The following KRTAP16-1 variants were observed in gnomAD, a reference collection of about 807,000 sequenced individuals.
The protein encoded by KRTAP16-1 is keratin-associated protein 16-1.
For synonymous variants in KRTAP16-1, 262 were observed against 248.0 expected (o/e 1.06, Z -0.53); for missense variants, 675 against 657.7 (o/e 1.03, Z -0.29).
Position 41,309,201 on chromosome 17 carries a change from A to G in KRTAP16-1, c.53T>C (p.Leu18Pro), listed in dbSNP as rs1171254271. The G allele has an allele frequency of 1.3e-6, 2 of 1,547,376 alleles. No homozygotes were observed. Among genetic ancestry groups the G allele is most frequent in the Non-Finnish European group, 8.7e-7 (1 of 1,144,966 alleles). Reference protein sequence around the residue: ...RKCFSVPATSLCSTEVSCGGP... With the variant: ...RKCFSVPATSPCSTEVSCGGP... ...TCCACAGCTCACCTCAGTGGAGCAG[A>G]GAGAGGTGGCTGGCACGGAGAAGCA... Residue 18 changes from leucine to proline, a missense_variant, in exon 1 of 1, where the codon CTC (leucine) becomes CCC (proline). Leu to Pro is a moderately conservative substitution (Grantham distance 98). Coordinates refer to ENST00000391352, the MANE Select transcript of KRTAP16-1 (RefSeq NM_001146182.2).
Position 41,309,167 on chromosome 17 carries a change from G to A in KRTAP16-1, c.87C>T (p.Ile29=). Residue 29 remains isoleucine, a synonymous_variant, in exon 1 of 1, where the codon ATC becomes ATT. Coordinates refer to ENST00000391352, the MANE Select transcript of KRTAP16-1 (RefSeq NM_001146182.2). ...GGCTCTGGCAGGAACTGGGCAGGCA[G>A]ATGGGGCCTCCACAGCTCACCTCAG... is the stretch of plus-strand genomic sequence containing the variant. ...CSTEVSCGGP[I]CLPSSCQSQT... 1.9e-6 allele frequency: 3 copies of A among 1,550,642 alleles called. No homozygotes were observed. Among genetic ancestry groups the A allele is most frequent in the Non-Finnish European group, 2.6e-6 (3 of 1,146,986 alleles).
At position 41,308,825 on chromosome 17, in the gene KRTAP16-1, A is replaced by G. The variant is rs1646847245; in HGVS notation, c.429T>C (p.Cys143=). 2.6e-6 allele frequency: 4 copies of G among 1,546,338 alleles called. No individual in the cohort carries two copies. Among genetic ancestry groups the G allele is most frequent in the Admixed American group, 3.9e-5 (2 of 50,798 alleles). Residue 143 remains cysteine, a synonymous_variant, in exon 1 of 1, where the codon TGT becomes TGC. Transcript: ENST00000391352. The stretch of plus-strand genomic sequence containing the variant: ...CAGGTTGAGCACAGCTGCTCACGGA[A>G]CAAGAAGGCTCACAAACGGTGGCCT... The part of the protein sequence containing the change: ...CFEATVCEPS[C]SVSSCAQPVC...
Position 41,308,990 on chromosome 17 carries a change from G to A in KRTAP16-1, c.264C>T (p.Gly88=). The A allele has an allele frequency of 6.4e-7, 1 of 1,550,566 alleles. No individual in the cohort carries two copies. The change falls in exon 1 of 1, where the codon GGC becomes GGT. Residue 88 remains glycine, a synonymous_variant. Transcript: ENST00000391352. Reference sequence around the variant, plus strand: ...TGGCCTCACAGCACACGGGTTGGCAGCCGCTGCTCACGGAGCAAGAAGGCT... The same window carrying A: ...TGGCCTCACAGCACACGGGTTGGCAACCGCTGCTCACGGAGCAAGAAGGCT... ...ICEPSCSVSS[G]CQPVCCEATT...
chr17:41,309,142 G>T lies in KRTAP16-1; in HGVS notation c.112C>A (p.Gln38Lys). ...TGACAAGTCACCAGCTGCCATGTCT[G>T]GCTCTGGCAGGAACTGGGCAGGCAG... ...PICLPSSCQS[Q>K]TWQLVTCQDS... Residue 38 changes from glutamine (Q) to lysine (K), a missense_variant, in exon 1 of 1, where the codon CAG (glutamine) becomes AAG (lysine). Transcript: ENST00000391352. The T allele has an allele frequency of 6.4e-7, 1 of 1,550,620 alleles. No individual in the cohort carries two copies.
At position 41,309,037 on chromosome 17, in the gene KRTAP16-1, A is replaced by C. The variant is rs190099155; in HGVS notation, c.217T>G (p.Cys73Gly). Reference protein sequence around the residue: ...CPVSSCAQPLCCDPVICEPSC... With the variant: ...CPVSSCAQPLGCDPVICEPSC... Reference sequence around the variant, plus strand: ...GGCTCACAAATGACAGGATCACAGCACAGGGGTTGGGCACAGCTACTCACA... The same window carrying C: ...GGCTCACAAATGACAGGATCACAGCCCAGGGGTTGGGCACAGCTACTCACA... Residue 73 changes from cysteine to glycine, a missense_variant, in exon 1 of 1, where the codon TGC becomes GGC. Physicochemically the swap from Cys to Gly is radical, Grantham distance 159. Coordinates refer to ENST00000391352, the MANE Select transcript of KRTAP16-1 (RefSeq NM_001146182.2). The C allele has an allele frequency of 3.2e-6, 5 of 1,550,680 alleles. No homozygotes were observed. In the South Asian group the frequency reaches 5.9e-5, roughly 18 times the overall value.
At position 41,307,997 on chromosome 17, in the gene KRTAP16-1, G is replaced by A. The variant is rs1035954369; in HGVS notation, c.1257C>T (p.Ile419=). The part of the protein sequence containing the change: ...LTYRQPYMTS[I]SYRPACYRPC... Reference sequence around the variant, plus strand: ...GGCGATAGCAGGCAGGACGGTAGGAGATGGATGTCATGTATGGCTGCCTAT... The same window carrying A: ...GGCGATAGCAGGCAGGACGGTAGGAAATGGATGTCATGTATGGCTGCCTAT... The change falls in exon 1 of 1, where the codon ATC becomes ATT. Residue 419 remains isoleucine (I), a synonymous_variant. Coordinates refer to ENST00000391352, the MANE Select transcript of KRTAP16-1 (RefSeq NM_001146182.2). 39 of 1,550,564 alleles carry A rather than the reference G, an allele frequency of 2.5e-5. No individual in the cohort carries two copies. The highest frequency in any genetic ancestry group is 3.2e-5 in the Non-Finnish European group (37 of 1,147,016).
rs754826659 is a variant in KRTAP16-1 at position 41,308,426 on chromosome 17, T to C, written c.828A>G (p.Pro276=). Residue 276 remains proline (P), a synonymous_variant, in exon 1 of 1, where the codon CCA becomes CCG. Coordinates refer to ENST00000391352, the MANE Select transcript of KRTAP16-1 (RefSeq NM_001146182.2). ...CACAGCAGACAGGGCGGAGGCAAAC[T>C]GGCTCACAGACCAGAGCCACACACG... ...PATCVALVCE[P]VCLRPVCCVQ... is the part of the protein sequence containing the mutation. 2.6e-6 allele frequency: 4 copies of C among 1,550,482 alleles called. No individual in the cohort carries two copies. The highest frequency in any genetic ancestry group is 3.5e-6 in the Non-Finnish European group (4 of 1,146,968).
In KRTAP16-1 at chr17:41,308,735, G is replaced by A; in HGVS notation, c.519C>T (p.Gly173=). 1 of 1,550,684 alleles carries A rather than the reference G, an allele frequency of 6.4e-7. No individual in the cohort carries two copies. The change falls in exon 1 of 1, where the codon GGC becomes GGT. Residue 173 remains glycine, a synonymous_variant. Transcript: ENST00000391352. ...CTGGTTGGCAGGAAGTGGCTTCAGA[G>A]CCTACAGGCTGGCAGCAGCTGCTCA... ...CSVSSCCQPV[G]SEATSCQPVL...
rs760350540 is a variant in KRTAP16-1, at chr17:41,308,386, C to T, written c.868G>A (p.Glu290Lys). The T allele has an allele frequency of 8.4e-6, 13 of 1,550,422 alleles. No homozygotes were observed. The highest frequency in any genetic ancestry group is 3.9e-5 in the Admixed American group (2 of 50,978). ...CAAGTGCTGGGGACAGAAGGTGGCTCGCACGAGCTCTGAACACAGCAGACA... is the reference window on the plus strand; with the variant it reads ...CAAGTGCTGGGGACAGAAGGTGGCTTGCACGAGCTCTGAACACAGCAGACA... ...RPVCCVQSSC[E>K]PPSVPSTCQE... The change falls in exon 1 of 1, where the codon GAG (glutamate) becomes AAG (lysine). Residue 290 changes from glutamate to lysine, a missense_variant. By Grantham distance (56) the Glu-to-Lys change is moderately conservative. Coordinates refer to ENST00000391352, the MANE Select transcript of KRTAP16-1 (RefSeq NM_001146182.2).
At position 41,307,954 on chromosome 17, in the gene KRTAP16-1, G is replaced by C; in HGVS notation, c.1300C>G (p.Arg434Gly). 3 of 1,550,646 alleles carry C rather than the reference G, an allele frequency of 1.9e-6. No individual in the cohort carries two copies. The highest frequency in any genetic ancestry group is 2.6e-6 in the Non-Finnish European group (3 of 1,147,010). Reference protein sequence around the residue: ...ACYRPCYSILRRPACVTSYSC... With the variant: ...ACYRPCYSILGRPACVTSYSC... ...TAGGAAGTGACACAGGCTGGGCGGCGCAGGATGGAGTAGCATGGGCGATAG... is the reference window on the plus strand; with the variant it reads ...TAGGAAGTGACACAGGCTGGGCGGCCCAGGATGGAGTAGCATGGGCGATAG... Residue 434 changes from arginine (R) to glycine (G), a missense_variant, in exon 1 of 1, where the codon CGC becomes GGC. Arg to Gly is a moderately radical substitution (Grantham distance 125, BLOSUM62 -2). Coordinates refer to ENST00000391352, the MANE Select transcript of KRTAP16-1 (RefSeq NM_001146182.2).
rs550359091 is a variant in KRTAP16-1 at position 41,308,050 on chromosome 17, G to A, written c.1204C>T (p.Arg402Cys). 26 of 1,550,658 alleles carry A rather than the reference G, an allele frequency of 1.7e-5. No individual in the cohort carries two copies. Among genetic ancestry groups the A allele is most frequent in the African/African-American group, 4.1e-5 (3 of 73,148 alleles). The change falls in exon 1 of 1, where the codon CGC (arginine) becomes TGC (cysteine). Residue 402 changes from arginine to cysteine, a missense_variant. Transcript: ENST00000391352. ...SYRPVSRPIC[R>C]PICSGLLTYR... is the part of the protein sequence containing the mutation. ...GTGAGGAGTCCAGAGCAGATTGGGC[G>A]GCAGATCGGACGGGAGACCGGGCGG...
In KRTAP16-1 at chr17:41,309,042, G is replaced by T. The variant is rs1375764022; in HGVS notation, c.212C>A (p.Pro71His). 5.2e-6 allele frequency: 8 copies of T among 1,550,592 alleles called. No individual in the cohort carries two copies. The highest frequency in any genetic ancestry group is 2.4e-5 in the South Asian group (2 of 84,070). ...PSCPVSSCAQ[P>H]LCCDPVICEP... is the part of the protein sequence containing the mutation. Reference sequence around the variant, plus strand: ...ACAAATGACAGGATCACAGCACAGGGGTTGGGCACAGCTACTCACAGGACA... The same window carrying T: ...ACAAATGACAGGATCACAGCACAGGTGTTGGGCACAGCTACTCACAGGACA... The change falls in exon 1 of 1, where the codon CCC becomes CAC. Residue 71 changes from proline (P) to histidine (H), a missense_variant. By Grantham distance (77) the Pro-to-His change is moderately conservative. Coordinates refer to ENST00000391352, the MANE Select transcript of KRTAP16-1 (RefSeq NM_001146182.2).
rs764618690 is a variant in KRTAP16-1, at chr17:41,309,217, C to T, written c.37G>A (p.Val13Met). The change falls in exon 1 of 1, where the codon GTG becomes ATG. Residue 13 changes from valine (V) to methionine (M), a missense_variant. Coordinates refer to ENST00000391352, the MANE Select transcript of KRTAP16-1 (RefSeq NM_001146182.2). ...GSCSSRKCFS[V>M]PATSLCSTEV... ...GTGGAGCAGAGAGAGGTGGCTGGCA[C>T]GGAGAAGCATTTCCTAGAAGAGCAA... 2.1e-5 allele frequency: 32 copies of T among 1,542,016 alleles called. No individual in the cohort carries two copies. Among genetic ancestry groups the T allele is most frequent in the African/African-American group, 2.7e-5 (2 of 72,864 alleles).
In KRTAP16-1 at chr17:41,308,787, G is replaced by C; in HGVS notation, c.467C>G (p.Pro156Arg). 6.4e-7 allele frequency: 1 copy of C among 1,550,644 alleles called. No individual in the cohort carries two copies. Among genetic ancestry groups the C allele is most frequent in the South Asian group, 1.2e-5 (1 of 84,062 alleles). The change falls in exon 1 of 1, where the codon CCT becomes CGT. Residue 156 changes from proline to arginine, a missense_variant. Physicochemically the swap from Pro to Arg is moderately radical, Grantham distance 103 (BLOSUM62 -2). Transcript: ENST00000391352. ...SSCAQPVCCE[P>R]AICEPSCSVS... is the part of the protein sequence containing the mutation. ...GGAGCAAGAAGGCTCACAAATAGCA[G>C]GCTCACAGCACACAGGTTGAGCACA...
In KRTAP16-1 at chr17:41,308,912, G is replaced by C; in HGVS notation, c.342C>G (p.Phe114Leu). 1 of 1,549,640 alleles carries C rather than the reference G, an allele frequency of 6.5e-7. No individual in the cohort carries two copies. The highest frequency in any genetic ancestry group is 1.2e-5 in the South Asian group (1 of 84,000). Residue 114 changes from phenylalanine to leucine, a missense_variant, in exon 1 of 1, where the codon TTC becomes TTG. Coordinates refer to ENST00000391352, the MANE Select transcript of KRTAP16-1 (RefSeq NM_001146182.2). ...SVSNCYQPVCFEATICEPSCS... is the reference protein window; with the variant it reads ...SVSNCYQPVCLEATICEPSCS... The stretch of plus-strand genomic sequence containing the variant: ...AAGAAGGCTCACAGATGGTGGCCTC[G>C]AAGCACACAGGTTGGTAGCAGTTGC...
At position 41,307,704 on chromosome 17, in the gene KRTAP16-1, C is replaced by T. The variant is rs1421839909; in HGVS notation, c.1550G>A (p.Cys517Tyr). 2.0e-6 allele frequency: 3 copies of T among 1,515,228 alleles called. No individual in the cohort carries two copies. Among genetic ancestry groups the T allele is most frequent in the Admixed American group, 4.3e-5 (2 of 46,512 alleles). 93.9% of individuals were successfully genotyped at this position (1,515,228 alleles called of 1,614,324 possible). A position where few individuals can be genotyped will look rare whatever the true frequency, so the allele number is the denominator to read the frequency against. The change falls in exon 1 of 1, where the codon TGC (cysteine) becomes TAC (tyrosine). Residue 517 changes from cysteine to tyrosine, a missense_variant. By Grantham distance (194) the Cys-to-Tyr change is radical. Coordinates refer to ENST00000391352, the MANE Select transcript of KRTAP16-1 (RefSeq NM_001146182.2). ...AQPAASKPAN[C>Y] ...AATTGGGGGGCTGAAGCCAATTTAGCAGTTGGCAGGCTTGCTGGCAGCAGG... is the reference window on the plus strand; with the variant it reads ...AATTGGGGGGCTGAAGCCAATTTAGTAGTTGGCAGGCTTGCTGGCAGCAGG...
In KRTAP16-1 at chr17:41,308,620, C is replaced by T. The variant is rs1281694964; in HGVS notation, c.634G>A (p.Val212Ile). 1 of 1,550,784 alleles carries T rather than the reference C, an allele frequency of 6.4e-7. No homozygotes were observed. Among genetic ancestry groups the T allele is most frequent in the Non-Finnish European group, 8.7e-7 (1 of 1,147,102 alleles). ...TGGCAGGAACTAGGCAGGGTGCAGA[C>T]AGCTGAACAGCAGCTGGGCTCACAG... ...VVCEPSCCSA[V>I]CTLPSSCQPV... The change falls in exon 1 of 1, where the codon GTC (valine) becomes ATC (isoleucine). Residue 212 changes from valine (V) to isoleucine (I), a missense_variant. Physicochemically the swap from Val to Ile is conservative, Grantham distance 29. Transcript: ENST00000391352.
Position 41,307,769 on chromosome 17 carries a change from T to C in KRTAP16-1, c.1485A>G (p.Lys495=), listed in dbSNP as rs778127245. Reference sequence around the variant, plus strand: ...CCTCACGGGTGGTTGGGCTGATGGGTTTGGCTTCAGTGGGCTGGCAGGGAG... The same window carrying C: ...CCTCACGGGTGGTTGGGCTGATGGGCTTGGCTTCAGTGGGCTGGCAGGGAG... ...EEAPCQPTEA[K]PISPTTREAA... is the part of the protein sequence containing the mutation. Residue 495 remains lysine (K), a synonymous_variant, in exon 1 of 1, where the codon AAA becomes AAG. Transcript: ENST00000391352. 1 of 1,550,030 alleles carries C rather than the reference T, an allele frequency of 6.5e-7. No individual in the cohort carries two copies. The highest frequency in any genetic ancestry group is 2.4e-5 in the East Asian group (1 of 40,910).
chr17:41,309,033 C>T lies in KRTAP16-1; in HGVS notation c.221G>A (p.Cys74Tyr). Residue 74 changes from cysteine (C) to tyrosine (Y), a missense_variant, in exon 1 of 1, where the codon TGT (cysteine) becomes TAT (tyrosine). Physicochemically the swap from Cys to Tyr is radical, Grantham distance 194. Coordinates refer to ENST00000391352, the MANE Select transcript of KRTAP16-1 (RefSeq NM_001146182.2). ...PVSSCAQPLC[C>Y]DPVICEPSCS... ...AGAAGGCTCACAAATGACAGGATCACAGCACAGGGGTTGGGCACAGCTACT... is the reference window on the plus strand; with the variant it reads ...AGAAGGCTCACAAATGACAGGATCATAGCACAGGGGTTGGGCACAGCTACT... The T allele has an allele frequency of 1.3e-6, 2 of 1,550,692 alleles. No individual in the cohort carries two copies. The highest frequency in any genetic ancestry group is 1.4e-5 in the African/African-American group (1 of 73,180).
Sources: allele counts gnomAD v4.1 joint callset, GRCh38; gene constraint gnomAD v4.1.1; transcripts MANE v1.5; gene names NCBI Gene and HGNC (gene_info 2026-07-23, HGNC 2026-07-21).